Variants in ARPP19 observed in about 807,000 individuals in gnomAD.
ARPP19 encodes cAMP regulated phosphoprotein 19, also known as cAMP-regulated phosphoprotein 19.
ARPP19 carries 8 observed loss-of-function variants against 12.0 expected under a neutral mutation model. That is an observed-to-expected ratio of 0.67 (90% CI 0.39 to 1.21). The LOEUF is 1.21. ARPP19 is among the 50% of genes most tolerant of loss of function. The pLI is 0.01. For synonymous variants in ARPP19, 47 were observed against 50.4 expected (o/e 0.93, Z 0.29); for missense variants, 102 against 136.3 (o/e 0.75, Z 1.25).
chr15:52,556,750 T>C (rs1162998881), intron 2 of ARPP19, among the ~76,000 whole-genome samples: 1 of 152,110 alleles, frequency 6.6e-6, no homozygotes, highest in East Asian at 1.9e-4. Context: ...ACATATAGGG[T>C]GGGTTTCAAC....
Position 52,555,816 on chromosome 15 carries a change from T to C in ARPP19, c.168+1284A>G, listed in dbSNP as rs80129135. On this transcript the variant is annotated intron_variant, in intron 2 of 2. Transcript: ENST00000249822. The stretch of plus-strand genomic sequence containing the variant: ...CATTTTTGCAATTTAGTTATATAAA[T>C]ACTATGATGTAATTTGCATTTCACT... Among the ~76,000 whole-genome samples, 269 of 152,142 alleles carry C rather than the reference T, an allele frequency of 1.8e-3. 3 individuals carry two copies. The East Asian group carries it at 0.034, about 19-fold the overall frequency.
chr15:52,560,782 C>G (rs1232590006), intron 1 of ARPP19, among the ~76,000 whole-genome samples: 4 of 152,234 alleles, frequency 2.6e-5, no homozygotes, highest in African/African-American at 9.6e-5. Flanking sequence ...GAGAAAGAAT[C>G]CATTCTGCTC....
intron 1 of ARPP19, among the ~76,000 whole-genome samples, chr15:52,565,794 T>C (rs568725299): frequency 6.6e-6 from 1 of 152,364 alleles, no homozygotes; most frequent in Admixed American, 6.5e-5. Flanking sequence ...TTCAGCAAAA[T>C]ACCAAGCACA....
At chr15:52,558,223 G>A (rs972240529) in intron 1 of ARPP19, among the ~76,000 whole-genome samples, 2 of 152,216 alleles carry the variant, frequency 1.3e-5, no homozygotes, top group South Asian at 2.1e-4. Context: ...AGCTGTGGGC[G>A]GATTGCTTGA....
chr15:52,569,223 T>C (rs2078119010), upstream of ARPP19: 1 of 360,512 alleles, frequency 2.8e-6, no homozygotes, highest in South Asian at 2.9e-5. Flanking sequence ...GAGTGCTTCC[T>C]GGGAATTGTA....
intron 1 of ARPP19, among the ~76,000 whole-genome samples, chr15:52,567,558 G>A (rs181581783): frequency 6.6e-6 from 1 of 152,122 alleles, no homozygotes; most frequent in Non-Finnish European, 1.5e-5. Flanking sequence ...ATAAGCAGGT[G>A]ATACTTAATA....
chr15:52,553,433 G>C (rs2077953965), intron 2 of ARPP19, among the ~76,000 whole-genome samples: 1 of 151,994 alleles, frequency 6.6e-6, no homozygotes, highest in Admixed American at 6.6e-5. Context: ...TTGACTTCCA[G>C]AGCAAAAACA....
In ARPP19 at chr15:52,551,924, A is replaced by G. The variant is rs747919014; in HGVS notation, c.*10T>C. The G allele has an allele frequency of 1.2e-6, 2 of 1,604,346 alleles. No individual in the cohort carries two copies. Among genetic ancestry groups the G allele is most frequent in the Non-Finnish European group, 1.7e-6 (2 of 1,172,612 alleles). On this transcript the variant is annotated 3_prime_UTR_variant, in exon 3 of 3. Coordinates refer to ENST00000249822, the MANE Select transcript of ARPP19 (RefSeq NM_006628.6). ...GAGATTTAGCAGATTCATGCAGTTC[A>G]GCCTCTTAATCAGCCAGCCAGCTTG...
At chr15:52,569,438 G>A (rs1053871532), upstream of ARPP19, among the ~76,000 whole-genome samples, 1 of 152,152 alleles carries the variant, frequency 6.6e-6, no homozygotes, top group Admixed American at 6.5e-5. Context: ...CCAGTCCTAC[G>A]TCTCTGCCTC....
chr15:52,552,861 G>C (rs932843155), intron 2 of ARPP19, among the ~76,000 whole-genome samples: 4 of 152,134 alleles, frequency 2.6e-5, no homozygotes, highest in Non-Finnish European at 5.9e-5. Flanking sequence ...CTTGAGGTCA[G>C]AGGTCAGGAG....
At position 52,557,140 on chromosome 15, in the gene ARPP19, G is replaced by A. The variant is rs765123859; in HGVS notation, c.128C>T (p.Pro43Leu). 1 of 1,612,604 alleles carries A rather than the reference G, an allele frequency of 6.2e-7. No homozygotes were observed. The highest frequency in any genetic ancestry group is 8.5e-7 in the Non-Finnish European group (1 of 1,179,828). ...TTTCCTTAAGAAATCTGAACCTCCAGGCTTTTGTCCCAGATGAGGATATCT... is the reference window on the plus strand; with the variant it reads ...TTTCCTTAAGAAATCTGAACCTCCAAGCTTTTGTCCCAGATGAGGATATCT... ...KARYPHLGQK[P>L]GGSDFLRKRL... Residue 43 changes from proline to leucine, a missense_variant, in exon 2 of 3, where the codon CCT (proline) becomes CTT (leucine). By Grantham distance (98) the Pro-to-Leu change is moderately conservative. Coordinates refer to ENST00000249822, the MANE Select transcript of ARPP19 (RefSeq NM_006628.6).
rs1301388262 is a variant in ARPP19, at chr15:52,549,071, G to A, written c.*2863C>T. On this transcript the variant is annotated 3_prime_UTR_variant, in exon 3 of 3. Coordinates refer to ENST00000249822, the MANE Select transcript of ARPP19 (RefSeq NM_006628.6). ...TGCTGAGAACCATGTCAGATGCTGCGTTCAAGAATGAAATGTTCCTCAAAA... is the reference window on the plus strand; with the variant it reads ...TGCTGAGAACCATGTCAGATGCTGCATTCAAGAATGAAATGTTCCTCAAAA... 2 of 152,242 alleles carry A rather than the reference G, an allele frequency of 1.3e-5. No individual in the cohort carries two copies. The highest frequency in any genetic ancestry group is 4.8e-5 in the African/African-American group (2 of 41,448). The allele number at this position is 152,242 out of a possible 1,614,324, so 9.4% of individuals were successfully genotyped here.
chr15:52,554,749 A>C (rs956800863), intron 2 of ARPP19, among the ~76,000 whole-genome samples: 1 of 152,146 alleles, frequency 6.6e-6, no homozygotes, highest in Non-Finnish European at 1.5e-5. Context: ...TGAAAAAACA[A>C]AACAAAAAGC....
chr15:52,560,055 T>A (rs1595865185), intron 1 of ARPP19, among the ~76,000 whole-genome samples: 1 of 152,370 alleles, frequency 6.6e-6, no homozygotes, highest in Admixed American at 6.5e-5. Flanking sequence ...TCCTTAAAAA[T>A]TTTTAAAGGA....
intron 1 of ARPP19, among the ~76,000 whole-genome samples, chr15:52,559,284 A>G (rs777479226): frequency 5.3e-5 from 8 of 152,208 alleles, no homozygotes; most frequent in Non-Finnish European, 1.2e-4. Flanking sequence ...GGTATGCTCC[A>G]GAGAGGTAAG....
chr15:52,569,074 G>T, upstream of ARPP19: 2 of 565,846 alleles, frequency 3.5e-6, no homozygotes, highest in South Asian at 4.4e-5. Flanking sequence ...GCCCTCGCAC[G>T]CCGGAGCCCG....
chr15:52,552,882 GAA>G (rs2077948302), intron 2 of ARPP19, among the ~76,000 whole-genome samples: 1 of 152,096 alleles, frequency 6.6e-6, no homozygotes, highest in Non-Finnish European at 1.5e-5. Flanking sequence ...TTTGAAACCA[GAA>G]CGGCCAATAT....
chr15:52,565,170 T>A (rs2078070018), intron 1 of ARPP19, among the ~76,000 whole-genome samples: 1 of 151,864 alleles, frequency 6.6e-6, no homozygotes, highest in African/African-American at 2.4e-5. Flanking sequence ...CCTCAGCCTC[T>A]GGAGTAGGTG....
rs2077907021 is a variant in ARPP19 at position 52,549,273 on chromosome 15, A to C, written c.*2661T>G. The C allele has an allele frequency of 6.6e-6, 1 of 152,304 alleles. No homozygotes were observed. The highest frequency in any genetic ancestry group is 6.5e-5 in the Admixed American group (1 of 15,280). 9.4% of individuals were successfully genotyped at this position (152,304 alleles called of 1,614,324 possible). ...ACTTTGAAATTGTAAGAAATGGACA[A>C]TTAAGCTCACTAGTCAAAATCTTGA... is the stretch of plus-strand genomic sequence containing the variant. On this transcript the variant is annotated 3_prime_UTR_variant, in exon 3 of 3. Coordinates refer to ENST00000249822, the MANE Select transcript of ARPP19 (RefSeq NM_006628.6).
Sources: gnomAD v4.1 joint callset for allele counts (sites outside exome capture counted in the v4.1 genomes callset) on GRCh38, gnomAD v4.1.1 for gene constraint, MANE v1.5 for transcripts, NCBI Gene and HGNC (gene_info 2026-07-23, HGNC 2026-07-21) for gene names.